The following GALNT17 variants were observed in gnomAD, a reference collection of about 807,000 sequenced individuals.
GALNT17 encodes the protein UDP-GalNAc:polypeptide N-acetylgalactosaminyltransferase-like 3.
Under a neutral mutation model 63.7 loss-of-function variants are expected in GALNT17, and 29 were observed. The ratio of observed to expected loss-of-function variants is 0.46; its 90% CI spans 0.34 to 0.62. The LOEUF is 0.62. GALNT17 is among the 20% of genes least tolerant of loss of function. GALNT17 has a pLI of 0.01. For missense variants in GALNT17, 603 were observed against 799.6 expected (o/e 0.75, Z 2.97); for synonymous variants, 305 against 318.3 (o/e 0.96, Z 0.45).
chr7:71,514,433 G>C (rs1248495352), intron 5 of GALNT17, among the ~76,000 whole-genome samples: 1 of 151,964 alleles, frequency 6.6e-6, no homozygotes, highest in Non-Finnish European at 1.5e-5. Context: ...TTGGGACCTG[G>C]GGTACTGCTG....
At chr7:71,653,372 C>T (rs1340380695) in intron 6 of GALNT17, among the ~76,000 whole-genome samples, 1 of 151,502 alleles carries the variant, frequency 6.6e-6, no homozygotes, top group Non-Finnish European at 1.5e-5. Flanking sequence ...CAGAAATTGA[C>T]ACATGGAAGC....
At position 71,497,641 on chromosome 7, in the gene GALNT17, C is replaced by T. The variant is rs1233897145; in HGVS notation, c.963-73644C>T. 3.3e-5 allele frequency among the ~76,000 whole-genome samples: 5 copies of T among 152,348 alleles called. No individual in the cohort carries two copies. In the South Asian group the frequency reaches 8.3e-4, roughly 25 times the overall value. Reference sequence around the variant, plus strand: ...ACAGGGGACAGGATTTAGCCCATGACAGTCCATTAAATGTAAGTCCACTGT... The same window carrying T: ...ACAGGGGACAGGATTTAGCCCATGATAGTCCATTAAATGTAAGTCCACTGT... On this transcript the variant is annotated intron_variant, in intron 5 of 10. Coordinates refer to ENST00000333538, the MANE Select transcript of GALNT17 (RefSeq NM_022479.3).
At chr7:71,348,472 A>G (rs1159390297) in intron 2 of GALNT17, among the ~76,000 whole-genome samples, 3 of 152,294 alleles carry the variant, frequency 2.0e-5, no homozygotes, top group Non-Finnish European at 4.4e-5. Flanking sequence ...AGCTTTCTGG[A>G]CAAGTTTCAA....
intron 1 of GALNT17, among the ~76,000 whole-genome samples, chr7:71,149,402 G>A (rs1400150116): frequency 6.6e-6 from 1 of 152,126 alleles, no homozygotes; most frequent in African/African-American, 2.4e-5. Flanking sequence ...CCTTTGCGAA[G>A]TTGGTACTCA....
At chr7:71,166,226 G>A (rs1234314532) in intron 1 of GALNT17, among the ~76,000 whole-genome samples, 1 of 152,130 alleles carries the variant, frequency 6.6e-6, no homozygotes, top group East Asian at 1.9e-4. Context: ...CGTGTGCTTG[G>A]GCAAGTAGTT....
At chr7:71,196,860 G>C (rs1018920896) in intron 1 of GALNT17, among the ~76,000 whole-genome samples, 1 of 151,774 alleles carries the variant, frequency 6.6e-6, no homozygotes, top group Non-Finnish European at 1.5e-5. Context: ...CACCATGTTG[G>C]CCAGGCTGGT....
At chr7:71,597,578 A>G (rs1789906544) in intron 6 of GALNT17, among the ~76,000 whole-genome samples, 2 of 152,204 alleles carry the variant, frequency 1.3e-5, no homozygotes. Context: ...ACATGCAAGA[A>G]AGTGAGCTGA....
At chr7:71,541,777 G>A (rs947566054) in intron 5 of GALNT17, among the ~76,000 whole-genome samples, 1 of 152,122 alleles carries the variant, frequency 6.6e-6, no homozygotes, top group Non-Finnish European at 1.5e-5. Context: ...AGAACCCGAT[G>A]CAATCAAGTT....
chr7:71,689,228 A>T (rs1791407097), intron 9 of GALNT17, among the ~76,000 whole-genome samples: 1 of 152,154 alleles, frequency 6.6e-6, no homozygotes. Flanking sequence ...AATTCAGCCA[A>T]TTAACAGCCC....
intron 6 of GALNT17, among the ~76,000 whole-genome samples, chr7:71,641,890 A>G (rs1790609387): frequency 6.6e-6 from 1 of 152,134 alleles, no homozygotes; most frequent in Admixed American, 6.5e-5. Flanking sequence ...GATAGTAATG[A>G]GCTAGTCTAG....
chr7:71,653,536 G>T (rs926756185), intron 6 of GALNT17, among the ~76,000 whole-genome samples: 4 of 151,920 alleles, frequency 2.6e-5, no homozygotes, highest in African/African-American at 9.7e-5. Flanking sequence ...TTCCTGAGTA[G>T]CTGGGACTAT....
rs548626592 is a variant in GALNT17 at position 71,666,206 on chromosome 7, A to AT, written c.1266+613dup. 2.6e-3 allele frequency among the ~76,000 whole-genome samples: 398 copies of AT among 152,032 alleles called. 2 individuals carry two copies. Among genetic ancestry groups the AT allele is most frequent in the Middle Eastern group, 0.01 (3 of 294 alleles). Reference sequence around the variant, plus strand: ...ATTCATCCCTTGGTATCCACAGGGGATTTGTTCCAGGATTCCCTGTGGATA... The same window carrying AT: ...ATTCATCCCTTGGTATCCACAGGGGATTTTGTTCCAGGATTCCCTGTGGATA... On this transcript the variant is annotated intron_variant, in intron 7 of 10. Coordinates refer to ENST00000333538, the MANE Select transcript of GALNT17 (RefSeq NM_022479.3).
intron 5 of GALNT17, among the ~76,000 whole-genome samples, chr7:71,464,013 C>A (rs1334903115): frequency 6.6e-6 from 1 of 152,204 alleles, no homozygotes; most frequent in African/African-American, 2.4e-5. Flanking sequence ...TTATTTCACC[C>A]AGCCCCTATT....
At chr7:71,586,739 GAC>G (rs942337919) in intron 6 of GALNT17, among the ~76,000 whole-genome samples, 5 of 149,210 alleles carry the variant, frequency 3.4e-5, no homozygotes, top group African/African-American at 1.2e-4. Context: ...TATTTTTATT[GAC>G]ACATAATAGA....
intron 5 of GALNT17, among the ~76,000 whole-genome samples, chr7:71,512,330 T>C (rs1288765299): frequency 6.6e-6 from 1 of 151,664 alleles, no homozygotes; most frequent in Non-Finnish European, 1.5e-5. Context: ...TCTGACATCA[T>C]GGAAGTTCCC....
At chr7:71,709,407 T>A (rs1562744935) in intron 9 of GALNT17, among the ~76,000 whole-genome samples, 2 of 152,124 alleles carry the variant, frequency 1.3e-5, no homozygotes, top group African/African-American at 4.8e-5. Flanking sequence ...GTGGATTAAT[T>A]GAATCAAAGG....
chr7:71,377,115 AT>A (rs1223908781), intron 2 of GALNT17, among the ~76,000 whole-genome samples: 1,881 of 38,428 alleles, frequency 0.049, 262 homozygotes, highest in Admixed American at 0.1. Context: ...AATAAAAAAA[AT>A]ATATATATAT....
chr7:71,572,221 A>T (rs965745137), intron 6 of GALNT17, among the ~76,000 whole-genome samples: 25 of 139,952 alleles, frequency 1.8e-4, no homozygotes, highest in African/African-American at 6.4e-4. Flanking sequence ...TATGAAAAAT[A>T]AAAAAAAAAA....
chr7:71,633,308 G>C (rs1279024826), intron 6 of GALNT17, among the ~76,000 whole-genome samples: 1 of 152,002 alleles, frequency 6.6e-6, no homozygotes, highest in African/African-American at 2.4e-5. Flanking sequence ...TGCAATGTGG[G>C]GAGTTTGCAT....
Sources: gnomAD v4.1 joint callset for allele counts (sites outside exome capture counted in the v4.1 genomes callset) on GRCh38, gnomAD v4.1.1 for gene constraint, MANE v1.5 for transcripts, NCBI Gene and HGNC (gene_info 2026-07-23, HGNC 2026-07-21) for gene names.